Variants in IGF2R observed in about 807,000 individuals in gnomAD.
The protein encoded by IGF2R is insulin like growth factor 2 receptor.
IGF2R carries 91 observed loss-of-function variants against 270.6 expected under a neutral mutation model. That is an observed-to-expected ratio of 0.34 (90% CI 0.28 to 0.40). IGF2R has a LOEUF of 0.40. IGF2R is among the 10% of genes least tolerant of loss of function. The pLI, the probability that IGF2R is intolerant of heterozygous loss-of-function variation, is 1.00. For synonymous variants in IGF2R, 1,316 were observed against 1,258.9 expected, an observed-to-expected ratio of 1.05 and a Z score of -0.96; for missense variants, 2,805 against 3,188.3, an observed-to-expected ratio of 0.88 and a Z score of 2.90.
intron 1 of IGF2R, among the ~76,000 whole-genome samples, chr6:159,971,918 A>C (rs551779100): frequency 6.6e-6 from 1 of 152,042 alleles, no homozygotes; most frequent in Admixed American, 6.6e-5. Flanking sequence ...CAGCCTCCCA[A>C]AGTGTTGGGA....
chr6:160,096,165 T>C (rs1779351902), intron 44 of IGF2R: 1 of 323,434 alleles, frequency 3.1e-6, no homozygotes, highest in Non-Finnish European at 5.6e-6. Flanking sequence ...TGTGCCTTAT[T>C]GTTCCATTAA....
At chr6:160,008,063 A>G (rs1301468836) in intron 2 of IGF2R, among the ~76,000 whole-genome samples, 1 of 152,228 alleles carries the variant, frequency 6.6e-6, no homozygotes, top group Admixed American at 6.5e-5. Context: ...ATACTTAATG[A>G]TCTAAAAAAA....
At chr6:160,020,000 A>G (rs1049595402) in intron 4 of IGF2R, among the ~76,000 whole-genome samples, 5 of 152,180 alleles carry the variant, frequency 3.3e-5, no homozygotes, top group African/African-American at 1.2e-4. Flanking sequence ...CCAGATCAGA[A>G]AAGAGACAGT....
chr6:159,992,639 C>CACA (rs1386232174), intron 2 of IGF2R, among the ~76,000 whole-genome samples: 56 of 151,724 alleles, frequency 3.7e-4, no homozygotes, highest in African/African-American at 1.2e-3. Flanking sequence ...CAAACACACA[C>CACA]CACATTTTTT....
chr6:160,103,870 C>T (rs1389990603), intron 47 of IGF2R, 55 bp downstream of exon 47: 16 of 1,197,578 alleles, frequency 1.3e-5, no homozygotes, highest in South Asian at 6.1e-5. Context: ...CCCTGTGCTG[C>T]GCTGTCCATG....
intron 45 of IGF2R, among the ~76,000 whole-genome samples, chr6:160,099,512 GCCCGCTACCAT>G (rs1214134710): frequency 6.6e-6 from 1 of 152,118 alleles, no homozygotes; most frequent in Non-Finnish European, 1.5e-5. Context: ...GACTACAGGG[GCCCGCTACCAT>G]GCCCGGCTAA....
intron 2 of IGF2R, among the ~76,000 whole-genome samples, chr6:160,002,697 A>G (rs1784148716): frequency 6.6e-6 from 1 of 152,138 alleles, no homozygotes. Flanking sequence ...ATTTATGAGT[A>G]TTATTATTTA....
At chr6:160,053,702 A>G (rs1334344127) in intron 19 of IGF2R, among the ~76,000 whole-genome samples, 2 of 152,138 alleles carry the variant, frequency 1.3e-5, no homozygotes, top group African/African-American at 4.8e-5. Context: ...ATTTATCACC[A>G]GTATCCATGT....
At chr6:160,075,714 A>G (rs1483027797) in intron 35 of IGF2R, 133 bp from the exon 36 acceptor site, 2 of 823,386 alleles carry the variant, frequency 2.4e-6, no homozygotes, top group Non-Finnish European at 3.8e-6. Context: ...GTATAAACCC[A>G]GTTTCTTTAG....
chr6:160,095,230 T>G (rs1239355367), intron 44 of IGF2R: 1 of 152,302 alleles, frequency 6.6e-6, no homozygotes, highest in Non-Finnish European at 1.5e-5. Context: ...CCAGAACGGC[T>G]GCTCAGACAA....
At chr6:160,046,901 A>G (rs1283740667) in intron 15 of IGF2R, among the ~76,000 whole-genome samples, 2 of 152,196 alleles carry the variant, frequency 1.3e-5, no homozygotes, top group African/African-American at 4.8e-5. Flanking sequence ...GTGCCTAGAT[A>G]TCTCTGTGCG....
At position 160,047,143 on chromosome 6, in the gene IGF2R, C is replaced by A. The variant is rs960016905; in HGVS notation, c.2052-16C>A. On this transcript the variant is annotated splice_polypyrimidine_tract_variant and intron_variant, in intron 15 of 47. Coordinates refer to ENST00000356956, the MANE Select transcript of IGF2R (RefSeq NM_000876.4). Reference sequence around the variant, plus strand: ...CCCCTCAGGTCTTTGCTGAGAGAAACGTGTGTTTATTTCAGTGATGAGAAG... The same window carrying A: ...CCCCTCAGGTCTTTGCTGAGAGAAAAGTGTGTTTATTTCAGTGATGAGAAG... 1.2e-6 allele frequency: 2 copies of A among 1,612,880 alleles called. No individual in the cohort carries two copies. Among genetic ancestry groups the A allele is most frequent in the Admixed American group, 3.3e-5 (2 of 59,988 alleles).
At chr6:160,020,949 G>A (rs1777418603) in intron 4 of IGF2R, among the ~76,000 whole-genome samples, 2 of 152,136 alleles carry the variant, frequency 1.3e-5, no homozygotes, top group Admixed American at 1.3e-4. Context: ...ATAGAGAAAT[G>A]GGACTTTATT....
chr6:159,991,591 T>C lies in IGF2R; in HGVS notation c.289+268T>C, dbSNP rs901456749. Reference sequence around the variant, plus strand: ...GAATTATGTAGATGTGTATTTGATATTGAAAGCTGTCTCCTAGATGGCTCT... The same window carrying C: ...GAATTATGTAGATGTGTATTTGATACTGAAAGCTGTCTCCTAGATGGCTCT... On this transcript the variant is annotated intron_variant, in intron 2 of 47. Transcript: ENST00000356956. Among the ~76,000 whole-genome samples, 3 of 152,074 alleles carry C rather than the reference T, an allele frequency of 2.0e-5. No individual in the cohort carries two copies. The South Asian group carries it at 6.3e-4, about 32-fold the overall frequency.
At chr6:160,082,509 A>G (rs1057190423) in intron 39 of IGF2R, among the ~76,000 whole-genome samples, 3 of 152,022 alleles carry the variant, frequency 2.0e-5, no homozygotes, top group African/African-American at 4.8e-5. Context: ...ATGGGATTTC[A>G]CCATGTTGGT....
intron 2 of IGF2R, chr6:160,006,908 G>A (rs995340191): frequency 2.2e-5 from 3 of 133,942 alleles, no homozygotes; most frequent in African/African-American, 8.6e-5. Flanking sequence ...CTCCCATCTT[G>A]TATTAATTTT....
intron 10 of IGF2R, among the ~76,000 whole-genome samples, chr6:160,040,346 A>C (rs752971142): frequency 2.0e-5 from 3 of 152,202 alleles, no homozygotes; most frequent in Non-Finnish European, 2.9e-5. Flanking sequence ...GGTGAAAGGC[A>C]TGCTGGCCTG....
chr6:160,001,082 G>A (rs1428369004), intron 2 of IGF2R, among the ~76,000 whole-genome samples: 1 of 151,974 alleles, frequency 6.6e-6, no homozygotes, highest in African/African-American at 2.4e-5. Context: ...CTCAACCCCC[G>A]GGCCACAGAC....
Position 160,070,062 on chromosome 6 carries a change from AG to A in IGF2R, c.4443+7del, listed in dbSNP as rs1472356025. ...CACCTGCAGCGAGAGCCAAGTGGTA[AG>A]GGACTGTTCCTGCACCTTCTGCTGT... On this transcript the variant is annotated splice_donor_5th_base_variant and intron_variant, in intron 31 of 47. Coordinates refer to ENST00000356956, the MANE Select transcript of IGF2R (RefSeq NM_000876.4). 1 of 1,613,966 alleles carries A rather than the reference AG, an allele frequency of 6.2e-7. No homozygotes were observed. Among genetic ancestry groups the A allele is most frequent in the Non-Finnish European group, 8.5e-7 (1 of 1,179,852 alleles).
Sources: allele counts gnomAD v4.1 joint callset (sites outside exome capture counted in the v4.1 genomes callset), GRCh38; gene constraint gnomAD v4.1.1; transcripts MANE v1.5; gene names NCBI Gene and HGNC (gene_info 2026-07-23, HGNC 2026-07-21).